Variants in RNF17 observed in about 807,000 individuals in gnomAD.
The protein encoded by RNF17 is spermatogenesis associated 23.
RNF17 carries 31 observed loss-of-function variants against 200.5 expected under a neutral mutation model. The ratio of observed to expected loss-of-function variants is 0.15; its 90% CI spans 0.12 to 0.21. The LOEUF (loss-of-function observed/expected upper bound fraction) is 0.21, where lower values mean the gene tolerates loss of function less well. Among genes scored for constraint, RNF17 ranks in the 10% least tolerant of loss-of-function variants. The pLI is 1.00. For missense variants in RNF17, 1,628 were observed against 1,905.1 expected (o/e 0.85, Z 2.71); for synonymous variants, 606 against 637.8 (o/e 0.95, Z 0.75).
rs2138318169 is a variant in RNF17, at chr13:24,861,372, C to G, written c.3879C>G (p.Leu1293=). 3 of 1,562,296 alleles carry G rather than the reference C, an allele frequency of 1.9e-6. No individual in the cohort carries two copies. In the East Asian group the frequency reaches 7.1e-5, roughly 37 times the overall value. ...CCCAGTTTTGTATTCCTTGTCAGCTCCATAATACCACACCTGTGAGTACAT... is the reference window on the plus strand; with the variant it reads ...CCCAGTTTTGTATTCCTTGTCAGCTGCATAATACCACACCTGTGAGTACAT... ...DIPQFCIPCQ[L]HNTTPVGNVW... is the part of the protein sequence containing the mutation. Residue 1293 remains leucine (L), a synonymous_variant, in exon 27 of 36, where the codon CTC becomes CTG. Transcript: ENST00000255324.
At chr13:24,792,621 T>C (rs1038865571) in intron 9 of RNF17, among the ~76,000 whole-genome samples, 3 of 152,206 alleles carry the variant, frequency 2.0e-5, no homozygotes, top group African/African-American at 7.2e-5. Context: ...TCAACATATA[T>C]CAATTTTACT....
chr13:24,871,377 G>A (rs577803990), intron 32 of RNF17, among the ~76,000 whole-genome samples: 12 of 152,198 alleles, frequency 7.9e-5, no homozygotes, highest in East Asian at 3.9e-4. Flanking sequence ...TCGTTTTGTC[G>A]CCCAAGCTGG....
chr13:24,838,413 C>A (rs1890240265), intron 18 of RNF17, among the ~76,000 whole-genome samples: 1 of 152,142 alleles, frequency 6.6e-6, no homozygotes, highest in Non-Finnish European at 1.5e-5. Flanking sequence ...CCTTCATGAA[C>A]ATAGATGTTA....
downstream of RNF17, among the ~76,000 whole-genome samples, chr13:24,881,877 TATAG>T (rs1284961789): frequency 2.2e-4 from 17 of 77,416 alleles, no homozygotes; most frequent in African/African-American, 5.7e-4. Context: ...GATACATCTA[TATAG>T]ATATATAGAT....
chr13:24,848,619 C>T (rs1400012524), intron 22 of RNF17, among the ~76,000 whole-genome samples: 3 of 151,994 alleles, frequency 2.0e-5, no homozygotes, highest in African/African-American at 7.2e-5. Flanking sequence ...GCCAAGATTG[C>T]GCCACTGCAC....
downstream of RNF17, chr13:24,884,480 A>AGAT (rs1312821914): frequency 1.9e-6 from 3 of 1,613,608 alleles, no homozygotes; most frequent in South Asian, 3.3e-5. Context: ...AACCAACACA[A>AGAT]GATTATCACC....
In RNF17 at chr13:24,799,534, A is replaced by G. The variant is rs745883522; in HGVS notation, c.1539A>G (p.Ile513Met). ...TATTTGTCCATGAAGTTGCACTAAT[A>G]CAAATATTCATGGTAGATTTTGGAA... is the stretch of plus-strand genomic sequence containing the variant. The part of the protein sequence containing the change: ...TRLFVHEVAL[I>M]QIFMVDFGNS... Residue 513 changes from isoleucine to methionine, a missense_variant, in exon 12 of 36, where the codon ATA becomes ATG. By Grantham distance (10) the Ile-to-Met change is conservative. This residue lies in a region of RNF17 where 289 missense variants were observed against 384.9 expected (regional missense o/e 0.75). Coordinates refer to ENST00000255324, the MANE Select transcript of RNF17 (RefSeq NM_031277.3). The G allele has an allele frequency of 1.9e-6, 3 of 1,611,466 alleles. No individual in the cohort carries two copies. The highest frequency in any genetic ancestry group is 2.2e-5 in the East Asian group (1 of 44,750).
chr13:24,837,254 AT>A (rs1890115464), intron 18 of RNF17, among the ~76,000 whole-genome samples: 1 of 152,176 alleles, frequency 6.6e-6, no homozygotes, highest in African/African-American at 2.4e-5. Flanking sequence ...GAGAAATAAG[AT>A]AGACAGCAAC....
At chr13:24,876,209 A>C (rs1894839199) in intron 33 of RNF17, among the ~76,000 whole-genome samples, 1 of 152,232 alleles carries the variant, frequency 6.6e-6, no homozygotes, top group African/African-American at 2.4e-5. Flanking sequence ...CATGATCTTG[A>C]TGGAACTTAT....
the RNF17 span, among the ~76,000 whole-genome samples, chr13:24,886,878 C>T: frequency 1.3e-5 from 2 of 152,176 alleles, no homozygotes; most frequent in African/African-American, 4.8e-5. Context: ...TTTAATTCTT[C>T]CCAGGCTGAT....
At chr13:24,780,807 G>A (rs190628742) in intron 5 of RNF17, among the ~76,000 whole-genome samples, 59 of 152,140 alleles carry the variant, frequency 3.9e-4, no homozygotes, top group African/African-American at 1.3e-3. Context: ...GCTTGAACCC[G>A]GGAGACGGAG....
the RNF17 span, among the ~76,000 whole-genome samples, chr13:24,758,221 C>A: frequency 1.3e-5 from 2 of 152,142 alleles, no homozygotes; most frequent in African/African-American, 4.8e-5. Flanking sequence ...CCAGGAAGAT[C>A]ATTTCATTCC....
At chr13:24,767,147 T>C in intron 1 of RNF17, 125 bp from the exon 2 acceptor site, 2 of 631,740 alleles carry the variant, frequency 3.2e-6, no homozygotes, top group Non-Finnish European at 5.6e-6. Flanking sequence ...GAGGATCACT[T>C]GAGCCCAAGA....
chr13:24,866,058 A>G, intron 29 of RNF17, 86 bp from the exon 30 acceptor site: 1 of 731,890 alleles, frequency 1.4e-6, no homozygotes, highest in Non-Finnish European at 2.4e-6. Context: ...AAGGAAATGC[A>G]CCCAGTTTTT....
chr13:24,882,658 A>ATATT, downstream of RNF17: 1 of 156,822 alleles, frequency 6.4e-6, no homozygotes, highest in Middle Eastern at 3.4e-3. Flanking sequence ...TGACCTATTT[A>ATATT]TATTCATCCA....
At position 24,799,735 on chromosome 13, in the gene RNF17, G is replaced by C. The variant is rs568073821; in HGVS notation, c.1589+151G>C. 5.1e-6 allele frequency: 3 copies of C among 585,122 alleles called. No homozygotes were observed. In the East Asian group the frequency reaches 8.7e-5, roughly 17 times the overall value. 36.2% of individuals were successfully genotyped at this position (585,122 alleles called of 1,614,324 possible). A position where few individuals can be genotyped will look rare whatever the true frequency, so the allele number is the denominator to read the frequency against. ...CGTTTTATTATTTTGCTCTACTGTT[G>C]TCTTGATAAGTAAAACTTTATCATT... On this transcript the variant is annotated intron_variant, in intron 12 of 35. Coordinates refer to ENST00000255324, the MANE Select transcript of RNF17 (RefSeq NM_031277.3).
intron 16 of RNF17, among the ~76,000 whole-genome samples, chr13:24,827,162 C>T (rs1888763486): frequency 6.6e-6 from 1 of 151,948 alleles, no homozygotes; most frequent in Non-Finnish European, 1.5e-5. Context: ...AGACTCCTGA[C>T]CTCGAGTGAT....
chr13:24,885,207 A>T, the RNF17 span: 1 of 1,045,530 alleles, frequency 9.6e-7, no homozygotes, highest in Non-Finnish European at 1.5e-6. Context: ...TTTAGATTCT[A>T]TGTGTTTCAA....
chr13:24,822,121 A>C (rs1274825709), intron 15 of RNF17, among the ~76,000 whole-genome samples: 1 of 152,324 alleles, frequency 6.6e-6, no homozygotes, highest in African/African-American at 2.4e-5. Context: ...TGATGTTTAC[A>C]TAGCACGCCA....
Sources: allele counts gnomAD v4.1 joint callset (sites outside exome capture counted in the v4.1 genomes callset), GRCh38; gene constraint gnomAD v4.1.1; regional missense constraint gnomAD v4.1.1; transcripts MANE v1.5; gene names NCBI Gene and HGNC (gene_info 2026-07-23, HGNC 2026-07-21).